LZTS2: variants seen among roughly 807,000 people sequenced by gnomAD.
The protein encoded by LZTS2 is leucine zipper tumor suppressor 2, also known as leucine zipper putative tumor suppressor 2.
Under a neutral mutation model 60.6 loss-of-function variants are expected in LZTS2, and 32 were observed. The observed-to-expected ratio is 0.53, with a 90% CI of 0.40 to 0.71. The LOEUF is 0.71. Ranked by LOEUF, LZTS2 falls within the 30% of genes least tolerant of loss-of-function variation. The pLI is 0.00. For synonymous variants in LZTS2, 360 were observed against 393.1 expected (o/e 0.92, Z 1.00); for missense variants, 792 against 901.9 (o/e 0.88, Z 1.56).
intron 3 of LZTS2, 126 bp downstream of exon 4, chr10:101,005,841 A>G: frequency 1.6e-6 from 2 of 1,286,322 alleles, no homozygotes; most frequent in Non-Finnish European, 2.1e-6. Flanking sequence ...CCTCCGTGAG[A>G]TGAGGTTCCC....
exon 1 of LZTS2, chr10:101,002,808 C>T (rs773258130): frequency 6.2e-7 from 1 of 1,613,914 alleles, no homozygotes; most frequent in South Asian, 1.1e-5. Flanking sequence ...GCTTCACCTA[C>T]ATCAATGAGG....
At chr10:100,996,668 T>G (rs952358153), upstream of LZTS2, 5 of 152,408 alleles carry the variant, frequency 3.3e-5, no homozygotes, top group African/African-American at 1.2e-4. Context: ...AGCCCCACGC[T>G]GAGGTGTGTG....
upstream of LZTS2, among the ~76,000 whole-genome samples, chr10:100,997,734 C>A (rs1445082380): frequency 1.3e-5 from 2 of 152,246 alleles, no homozygotes; most frequent in East Asian, 3.8e-4. Context: ...GCCCCCAACC[C>A]AACCACGGGG....
At chr10:101,002,352 A>C in exon 1 of LZTS2, 25 of 500,866 alleles carry the variant, frequency 5.0e-5, no homozygotes, top group East Asian at 6.8e-5. Context: ...CCCAGGGGGA[A>C]TTGAGATTCA....
chr10:101,007,832 A>T (rs2133989577), exon 4 of LZTS2: 1 of 199,666 alleles, frequency 5.0e-6, no homozygotes, highest in South Asian at 1.5e-4. Context: ...TTTGTTTAAA[A>T]ATAATGTGAA....
chr10:101,007,791 C>T, exon 4 of LZTS2: 1 of 418,322 alleles, frequency 2.4e-6, no homozygotes, highest in Non-Finnish European at 3.2e-6. Flanking sequence ...ATTTCTTGTA[C>T]AAACCCAAAG....
At chr10:101,004,385 T>C (rs1431332232) in intron 2 of LZTS2, among the ~76,000 whole-genome samples, 1 of 152,186 alleles carries the variant, frequency 6.6e-6, no homozygotes. Context: ...GGTGGGCGGA[T>C]TGCTTGAGCT....
At chr10:101,005,002 G>A (rs1193257822) in intron 2 of LZTS2, among the ~76,000 whole-genome samples, 1 of 152,012 alleles carries the variant, frequency 6.6e-6, no homozygotes, top group African/African-American at 2.4e-5. Context: ...CCGGCCAAGT[G>A]CTTGCTTTTT....
chr10:101,003,580 T>C (rs1852093463), exon 2 of LZTS2: 1 of 1,575,918 alleles, frequency 6.3e-7, no homozygotes, highest in South Asian at 1.2e-5. Flanking sequence ...GCTCCGTCCC[T>C]GCCTAGCTTC....
chr10:101,006,841 G>A (rs746763559), exon 4 of LZTS2: 16 of 1,538,578 alleles, frequency 1.0e-5, no homozygotes, highest in Non-Finnish European at 1.3e-5. Flanking sequence ...CCAAAGTGCA[G>A]CGGGCAGCAG....
In LZTS2 at chr10:101,004,102, A is replaced by T. The variant is rs926551305; in HGVS notation, c.1004A>T (p.Asp335Val). 22 of 1,612,932 alleles carry T rather than the reference A, an allele frequency of 1.4e-5. No homozygotes were observed. The East Asian group carries it at 4.9e-4, about 36-fold the overall frequency. Residue 335 changes from aspartate (D) to valine (V), a missense_variant, in exon 2 of 4, where the codon GAC becomes GTC. Asp to Val is a radical substitution (Grantham distance 152, BLOSUM62 -3). Coordinates refer to ENST00000370220, the Ensembl canonical transcript of LZTS2. ...TGTGTCCTGGAAGGAAAGCTCCGAGACCGGGAGGCAGAGCTTCAGCAGCTG... is the reference window on the plus strand; with the variant it reads ...TGTGTCCTGGAAGGAAAGCTCCGAGTCCGGGAGGCAGAGCTTCAGCAGCTG...
rs937582794 is a variant in LZTS2, at chr10:101,005,647, C to T, written c.1258C>T (p.Arg420Trp). 4.4e-6 allele frequency: 7 copies of T among 1,608,888 alleles called. No individual in the cohort carries two copies. Among genetic ancestry groups the T allele is most frequent in the East Asian group, 2.2e-5 (1 of 44,778 alleles). Residue 420 changes from arginine (R) to tryptophan (W), a missense_variant, in exon 3 of 4, where the codon CGG becomes TGG. Physicochemically the swap from Arg to Trp is moderately radical, Grantham distance 101. Transcript: ENST00000370220. The stretch of plus-strand genomic sequence containing the variant: ...GCTGCAGGAGCGCGAACAGCTGGAG[C>T]GGCGCTGCGCCACCTTGGAGCGGGA...
At chr10:101,003,536 A>G in exon 2 of LZTS2, 2 of 1,524,800 alleles carry the variant, frequency 1.3e-6, no homozygotes, top group South Asian at 1.3e-5. Flanking sequence ...TCCGCCCAAC[A>G]GCCTTCAAGC....
At chr10:101,004,888 G>T (rs536692237) in intron 2 of LZTS2, among the ~76,000 whole-genome samples, 1 of 152,216 alleles carries the variant, frequency 6.6e-6, no homozygotes, top group East Asian at 1.9e-4. Context: ...GTAGAGACAG[G>T]GTTTCCACCA....
At chr10:101,006,366 A>G (rs1473991654) in intron 3 of LZTS2, 119 bp from the exon 5 acceptor site, 3 of 1,443,260 alleles carry the variant, frequency 2.1e-6, no homozygotes, top group Non-Finnish European at 2.7e-6. Context: ...TAGTGTCTCC[A>G]TCTGTAAAAT....
exon 1 of LZTS2, chr10:101,002,464 G>A: frequency 4.2e-6 from 6 of 1,439,068 alleles, no homozygotes; most frequent in Non-Finnish European, 5.5e-6. Flanking sequence ...GTCTCAAGGT[G>A]GAGGGACTCT....
chr10:101,002,484 G>T lies in LZTS2; in HGVS notation c.-55G>T. The T allele has an allele frequency of 1.3e-6, 2 of 1,485,584 alleles. No individual in the cohort carries two copies. The highest frequency in any genetic ancestry group is 4.8e-5 in the Admixed American group (2 of 41,310). 92.0% of individuals were successfully genotyped at this position (1,485,584 alleles called of 1,614,324 possible). ...AAGGTGGAGGGACTCTGACACCACTGCCCTGCTTACAGGTCGCCTGCGAGG... is the reference window on the plus strand; with the variant it reads ...AAGGTGGAGGGACTCTGACACCACTTCCCTGCTTACAGGTCGCCTGCGAGG... On this transcript the variant is annotated 5_prime_UTR_variant, in exon 1 of 4. Coordinates refer to ENST00000370220, the Ensembl canonical transcript of LZTS2.
Position 101,007,004 on chromosome 10 carries a change from C to T in LZTS2, c.1846C>T (p.Gln616Ter), listed in dbSNP as rs1341060780. The T allele has an allele frequency of 6.4e-7, 1 of 1,567,096 alleles. No homozygotes were observed. Among genetic ancestry groups the T allele is most frequent in the Non-Finnish European group, 8.6e-7 (1 of 1,156,374 alleles). Residue 616 changes from glutamine to a stop codon, truncating the protein, a stop_gained, in exon 4 of 4, where the codon CAG (glutamine) becomes TAG (stop). Transcript: ENST00000370220. LOFTEE classifies it high-confidence loss of function. ...GGAGCAGGTGATCCGCTACCAGAAG[C>T]AGCTGCAGCACAACTACATCCAGAT... is the stretch of plus-strand genomic sequence containing the variant.
intron 2 of LZTS2, among the ~76,000 whole-genome samples, 160 bp downstream of exon 3, chr10:101,004,326 G>A (rs1203487505): frequency 1.3e-5 from 2 of 152,224 alleles, no homozygotes; most frequent in South Asian, 2.1e-4. Context: ...GTGTGGAGTA[G>A]CCAGGTGTGG....
Sources: allele counts gnomAD v4.1 joint callset (sites outside exome capture counted in the v4.1 genomes callset), GRCh38; gene constraint gnomAD v4.1.1; transcripts MANE v1.5; gene names NCBI Gene and HGNC (gene_info 2026-07-23, HGNC 2026-07-21).